FOCAD: variants seen among roughly 807,000 people sequenced by gnomAD.
The protein encoded by FOCAD is KIAA1797.
Under a neutral mutation model 225.6 loss-of-function variants are expected in FOCAD, and 198 were observed. The observed-to-expected ratio is 0.88, with a 90% CI of 0.78 to 0.99. The LOEUF (loss-of-function observed/expected upper bound fraction) is 0.99, where lower values mean the gene tolerates loss of function less well. Among genes scored for constraint, FOCAD ranks in the 50% least tolerant of loss-of-function variants. The pLI is 0.00. For missense variants in FOCAD, 2,713 were observed against 2,123.6 expected (o/e 1.28, Z -5.46); for synonymous variants, 897 against 755.0 (o/e 1.19, Z -3.08).
chr9:20,759,990 C>G (rs1215170798), intron 6 of FOCAD, among the ~76,000 whole-genome samples: 2 of 152,224 alleles, frequency 1.3e-5, no homozygotes, highest in Admixed American at 1.3e-4. Flanking sequence ...TGATGGCTCT[C>G]AAAGCTACTC....
At chr9:20,660,958 G>C (rs1445237371) in intron 2 of FOCAD, among the ~76,000 whole-genome samples, 2 of 152,142 alleles carry the variant, frequency 1.3e-5, no homozygotes, top group Non-Finnish European at 2.9e-5. Flanking sequence ...GATTAAAATG[G>C]AGTGGTTGAA....
Position 20,866,917 on chromosome 9 carries a change from T to TTTTTAAAAAAA in FOCAD, c.2107-12_2107-11insTTTTAAAAAAA. On this transcript the variant is annotated splice_polypyrimidine_tract_variant and intron_variant, in intron 17 of 43. Transcript: ENST00000338382. Reference sequence around the variant, plus strand: ...TTTTTTTTTTTTTTTTTTTTTTTTTTACCCTATCTAGGACCCAATTGTAGC... The same window carrying TTTTTAAAAAAA: ...TTTTTTTTTTTTTTTTTTTTTTTTTTTTTTAAAAAAAACCCTATCTAGGACCCAATTGTAGC... 4 of 764,970 alleles carry TTTTTAAAAAAA rather than the reference T, an allele frequency of 5.2e-6. No individual in the cohort carries two copies. The highest frequency in any genetic ancestry group is 8.0e-6 in the Non-Finnish European group (4 of 498,466). The allele number at this position is 764,970 out of a possible 1,614,324, so 47.4% of individuals were successfully genotyped here.
intron 1 of FOCAD, among the ~76,000 whole-genome samples, chr9:20,699,812 A>ATATG (rs1823785214): frequency 8.5e-6 from 1 of 117,102 alleles, no homozygotes; most frequent in Non-Finnish European, 1.7e-5. Flanking sequence ...ATATATATAT[A>ATATG]TATGAAGAGC....
At chr9:20,701,762 T>C (rs1475657182) in intron 1 of FOCAD, among the ~76,000 whole-genome samples, 1 of 152,236 alleles carries the variant, frequency 6.6e-6, no homozygotes, top group Non-Finnish European at 1.5e-5. Context: ...TTTTGTGCTC[T>C]GGGCAAGGAG....
Position 20,755,902 on chromosome 9 carries a change from C to A in FOCAD, c.393-2188C>A, listed in dbSNP as rs575007321. On this transcript the variant is annotated intron_variant, in intron 5 of 43. Coordinates refer to ENST00000338382, the MANE Select transcript of FOCAD (RefSeq NM_001375567.1). ...GTCAAATCCCTGGCCTCCAGCAATTCTCCAGCCTTGGCCTCCCAAAGTGCT... is the reference window on the plus strand; with the variant it reads ...GTCAAATCCCTGGCCTCCAGCAATTATCCAGCCTTGGCCTCCCAAAGTGCT... 2.3e-3 allele frequency among the ~76,000 whole-genome samples: 345 copies of A among 152,246 alleles called. 2 individuals carry two copies. The highest frequency in any genetic ancestry group is 8.1e-3 in the African/African-American group (337 of 41,556).
chr9:20,862,826 A>T (rs1265977765), intron 16 of FOCAD, 114 bp downstream of exon 16: 3 of 1,243,790 alleles, frequency 2.4e-6, no homozygotes, highest in African/African-American at 3.0e-5. Context: ...TTGTTCTGAG[A>T]CCATGTTGAT....
At chr9:20,751,406 C>T (rs1242255135) in intron 5 of FOCAD, among the ~76,000 whole-genome samples, 12 of 88,914 alleles carry the variant, frequency 1.3e-4, no homozygotes, top group African/African-American at 3.7e-4. Context: ...TGAGAATATG[C>T]AGTGTTTGGT....
rs758682348 is a variant in FOCAD at position 20,995,778 on chromosome 9, G to C, written c.*149G>C. ...AAGATGGCCACATCACTGACAGCTTGACACATGCCTCCTAAGAGAGGAGTG... is the reference window on the plus strand; with the variant it reads ...AAGATGGCCACATCACTGACAGCTTCACACATGCCTCCTAAGAGAGGAGTG... On this transcript the variant is annotated 3_prime_UTR_variant, in exon 44 of 44. Coordinates refer to ENST00000338382, the MANE Select transcript of FOCAD (RefSeq NM_001375567.1). The C allele has an allele frequency of 5.8e-5, 35 of 602,390 alleles. No homozygotes were observed. The highest frequency in any genetic ancestry group is 9.5e-5 in the Non-Finnish European group (33 of 346,340). The allele number at this position is 602,390 out of a possible 1,614,324, so 37.3% of individuals were successfully genotyped here. A position where few individuals can be genotyped will look rare whatever the true frequency, so the allele number is the denominator to read the frequency against.
rs542268978 is a variant in FOCAD at position 20,826,593 on chromosome 9, A to G, written c.1920+3478A>G. 5.6e-4 allele frequency among the ~76,000 whole-genome samples: 85 copies of G among 152,162 alleles called. 1 individual carries two copies. In the South Asian group the frequency reaches 0.015, roughly 27 times the overall value. On this transcript the variant is annotated intron_variant, in intron 15 of 43. Coordinates refer to ENST00000338382, the MANE Select transcript of FOCAD (RefSeq NM_001375567.1). ...CTCGTTAATAAACTTCCCTTCATACATACATCTTTCCTCTTCTGTCCCTCT... is the reference window on the plus strand; with the variant it reads ...CTCGTTAATAAACTTCCCTTCATACGTACATCTTTCCTCTTCTGTCCCTCT...
intron 15 of FOCAD, among the ~76,000 whole-genome samples, chr9:20,860,340 C>T (rs1587426089): frequency 6.6e-6 from 1 of 152,092 alleles, no homozygotes; most frequent in East Asian, 1.9e-4. Flanking sequence ...CAAGACTGCG[C>T]AATTTACAAA....
chr9:20,696,669 G>A (rs897328422), intron 1 of FOCAD, among the ~76,000 whole-genome samples: 3 of 152,216 alleles, frequency 2.0e-5, no homozygotes, highest in African/African-American at 7.2e-5. Context: ...GCTGGGCATG[G>A]TGGCGCAAGC....
At chr9:20,841,467 G>T (rs1826520868) in intron 15 of FOCAD, among the ~76,000 whole-genome samples, 1 of 151,354 alleles carries the variant, frequency 6.6e-6, no homozygotes, top group Admixed American at 6.6e-5. Context: ...TCAGGTTTTG[G>T]ATTTCTTCCT....
chr9:20,907,748 C>T (rs1833101902), intron 22 of FOCAD, among the ~76,000 whole-genome samples: 1 of 152,066 alleles, frequency 6.6e-6, no homozygotes, highest in Non-Finnish European at 1.5e-5. Context: ...CTGCCACTCC[C>T]TCTTTACCCA....
intron 11 of FOCAD, among the ~76,000 whole-genome samples, chr9:20,799,445 G>T (rs1821530053): frequency 6.6e-6 from 1 of 151,700 alleles, no homozygotes; most frequent in South Asian, 2.1e-4. Flanking sequence ...TTGACAGTGG[G>T]GTGTTAAAGT....
chr9:20,783,006 A>C (rs181284699), intron 10 of FOCAD, among the ~76,000 whole-genome samples: 4 of 152,318 alleles, frequency 2.6e-5, no homozygotes, highest in Admixed American at 2.0e-4. Context: ...AATCCGATCA[A>C]AAAATTCTAG....
At chr9:20,777,196 A>G (rs572200004) in intron 8 of FOCAD, among the ~76,000 whole-genome samples, 1 of 151,930 alleles carries the variant, frequency 6.6e-6, no homozygotes, top group East Asian at 1.9e-4. Flanking sequence ...GTTTGATAGT[A>G]TCTTCAAGAT....
chr9:20,675,985 C>A (rs972627069), intron 2 of FOCAD, among the ~76,000 whole-genome samples: 3 of 152,064 alleles, frequency 2.0e-5, no homozygotes, highest in Non-Finnish European at 4.4e-5. Context: ...AATATATTTT[C>A]AAAGATGTTG....
intron 7 of FOCAD, among the ~76,000 whole-genome samples, chr9:20,768,435 G>A (rs1026022240): frequency 7.2e-5 from 11 of 151,954 alleles, no homozygotes; most frequent in Admixed American, 2.0e-4. Flanking sequence ...CCATTTTCAC[G>A]ATATTGATTC....
chr9:20,912,326 A>G (rs7465826), intron 22 of FOCAD, among the ~76,000 whole-genome samples: 31,247 of 152,038 alleles, frequency 0.21, 3,883 homozygotes, highest in South Asian at 0.33. Context: ...ATTTTTTTTC[A>G]CATGCTAGAA....
Sources: allele counts gnomAD v4.1 joint callset (sites outside exome capture counted in the v4.1 genomes callset), GRCh38; gene constraint gnomAD v4.1.1; transcripts MANE v1.5; gene names NCBI Gene and HGNC (gene_info 2026-07-23, HGNC 2026-07-21).